MACROD2: variants seen among roughly 807,000 people sequenced by gnomAD.
MACROD2 encodes the protein ADP-ribose glycohydrolase MACROD2.
MACROD2 carries 36 observed loss-of-function variants against 70.4 expected under a neutral mutation model. That is an observed-to-expected ratio of 0.51 (90% CI 0.39 to 0.68). The LOEUF is 0.68. MACROD2 is among the 30% of genes least tolerant of loss of function. The probability of loss-of-function intolerance (pLI) is 0.00; values close to 1 mark genes in which losing one functional copy is unlikely to be tolerated. For missense variants in MACROD2, 496 were observed against 538.4 expected, an observed-to-expected ratio of 0.92 and a Z score of 0.78; for synonymous variants, 172 against 178.8, an observed-to-expected ratio of 0.96 and a Z score of 0.30.
chr20:15,640,386 G>A (rs1157954437), intron 8 of MACROD2, among the ~76,000 whole-genome samples: 3 of 152,182 alleles, frequency 2.0e-5, no homozygotes, highest in Non-Finnish European at 2.9e-5. Flanking sequence ...CAGACGCAGA[G>A]TGACAAGAGT....
chr20:14,272,193 G>C (rs201324379), intron 3 of MACROD2, among the ~76,000 whole-genome samples: 2 of 152,000 alleles, frequency 1.3e-5, no homozygotes, highest in Admixed American at 1.3e-4. Flanking sequence ...ACATAATTGT[G>C]AGATTCACCA....
chr20:14,466,794 G>A (rs2084456118), intron 3 of MACROD2, among the ~76,000 whole-genome samples: 3 of 152,018 alleles, frequency 2.0e-5, no homozygotes, highest in Admixed American at 2.0e-4. Flanking sequence ...TTTTCTGGAG[G>A]TCCACTCCAG....
intron 3 of MACROD2, among the ~76,000 whole-genome samples, chr20:14,150,286 C>G (rs1010408400): frequency 3.3e-5 from 5 of 152,172 alleles, no homozygotes; most frequent in African/African-American, 1.2e-4. Context: ...AGGGTTCTTA[C>G]ATGAGGTTTG....
At chr20:15,205,786 C>A (rs1174270542) in intron 5 of MACROD2, among the ~76,000 whole-genome samples, 1 of 152,210 alleles carries the variant, frequency 6.6e-6, no homozygotes, top group Admixed American at 6.5e-5. Context: ...TACAGAATCA[C>A]TTCAAGATAT....
At chr20:15,990,188 A>G (rs1341505709) in intron 15 of MACROD2, among the ~76,000 whole-genome samples, 1 of 152,202 alleles carries the variant, frequency 6.6e-6, no homozygotes, top group Non-Finnish European at 1.5e-5. Context: ...GCCCAGTTTT[A>G]TGATTTCCCA....
In MACROD2 at chr20:15,053,567, T is replaced by TA. The variant is rs958915389; in HGVS notation, c.419-176363dup. On this transcript the variant is annotated intron_variant, in intron 5 of 17. Coordinates refer to ENST00000684519, the MANE Select transcript of MACROD2 (RefSeq NM_001351661.2). ...CCCACTGTTAAGACCTACTGCTGAT[T>TA]AAAAAAAAAAGATTATTTTCAAAAT... Among the ~76,000 whole-genome samples the TA allele has an allele frequency of 2.9e-3, 431 of 149,694 alleles. 3 individuals carry two copies. Among genetic ancestry groups the TA allele is most frequent in the African/African-American group, 9.2e-3 (375 of 40,808 alleles).
At chr20:14,042,383 T>C (rs1174571590) in intron 2 of MACROD2, among the ~76,000 whole-genome samples, 2 of 152,194 alleles carry the variant, frequency 1.3e-5, no homozygotes, top group Non-Finnish European at 2.9e-5. Flanking sequence ...CTTTTTCCTA[T>C]GTTCATACTC....
chr20:14,591,670 GA>G (rs1341430808), intron 4 of MACROD2, among the ~76,000 whole-genome samples: 1 of 152,168 alleles, frequency 6.6e-6, no homozygotes, highest in Non-Finnish European at 1.5e-5. Context: ...AAAGTTTGAG[GA>G]GACGTTTTTA....
At position 14,954,392 on chromosome 20, in the gene MACROD2, T is replaced by C. The variant is rs1009600651; in HGVS notation, c.418+269433T>C. On this transcript the variant is annotated intron_variant, in intron 5 of 17. Transcript: ENST00000684519. ...AATGGGAAAAGGCTGGGACTTGTCA[T>C]CTGGGTGAACCTGAACACGGTAAAA... Among the ~76,000 whole-genome samples, 4 of 150,534 alleles carry C rather than the reference T, an allele frequency of 2.7e-5. No individual in the cohort carries two copies. The East Asian group carries it at 5.8e-4, about 22-fold the overall frequency.
chr20:14,559,706 T>G (rs1009342817), intron 4 of MACROD2, among the ~76,000 whole-genome samples: 11 of 151,852 alleles, frequency 7.2e-5, no homozygotes, highest in Non-Finnish European at 1.0e-4. Flanking sequence ...GTTATATACA[T>G]AAATCATTTT....
chr20:14,816,754 A>G (rs1407459482), intron 5 of MACROD2, among the ~76,000 whole-genome samples: 1 of 152,026 alleles, frequency 6.6e-6, no homozygotes, highest in Non-Finnish European at 1.5e-5. Context: ...ACATTCAGGT[A>G]TAGTTGGACA....
At chr20:15,211,951 C>A (rs1222113051) in intron 5 of MACROD2, among the ~76,000 whole-genome samples, 1 of 152,130 alleles carries the variant, frequency 6.6e-6, no homozygotes, top group Non-Finnish European at 1.5e-5. Context: ...AACTGTTTTC[C>A]AAAGTGGCAT....
chr20:14,807,731 T>C (rs2072656822), intron 5 of MACROD2, among the ~76,000 whole-genome samples: 1 of 151,916 alleles, frequency 6.6e-6, no homozygotes, highest in African/African-American at 2.4e-5. Flanking sequence ...GAATAACCAG[T>C]GTAGAGAAGA....
intron 4 of MACROD2, among the ~76,000 whole-genome samples, chr20:14,540,180 A>G (rs1004381139): frequency 1.3e-5 from 2 of 152,214 alleles, no homozygotes; most frequent in Admixed American, 6.5e-5. Flanking sequence ...ACCAAAAATG[A>G]TGGGATAACA....
rs148150048 is a variant in MACROD2 at position 14,333,615 on chromosome 20, C to T, written c.272-159864C>T. 5.7e-3 allele frequency among the ~76,000 whole-genome samples: 865 copies of T among 152,208 alleles called. 7 individuals carry two copies. The highest frequency in any genetic ancestry group is 0.02 in the African/African-American group (817 of 41,528). On this transcript the variant is annotated intron_variant, in intron 3 of 17. Coordinates refer to ENST00000684519, the MANE Select transcript of MACROD2 (RefSeq NM_001351661.2). ...TTAAACCACGTTTTACCATTGCAGA[C>T]TTCAAATTCCTTTTTAACAGTGTGG...
chr20:14,942,662 A>C (rs1006302001), intron 5 of MACROD2, among the ~76,000 whole-genome samples: 1 of 152,230 alleles, frequency 6.6e-6, no homozygotes, highest in Admixed American at 6.5e-5. Context: ...GTCACATGTC[A>C]GCTGAAAATC....
Position 14,014,125 on chromosome 20 carries a change from G to A in MACROD2, c.163+11721G>A, listed in dbSNP as rs75489814. Among the ~76,000 whole-genome samples, 143 of 152,118 alleles carry A rather than the reference G, an allele frequency of 9.4e-4. 6 individuals carry two copies. The East Asian group carries it at 0.026, about 28-fold the overall frequency. On this transcript the variant is annotated intron_variant, in intron 2 of 17. Coordinates refer to ENST00000684519, the MANE Select transcript of MACROD2 (RefSeq NM_001351661.2). ...TTAAATGAATTATGTTAGTAAATAA[G>A]GATTTTCCTTAAATACATTTTGGTC...
intron 5 of MACROD2, among the ~76,000 whole-genome samples, chr20:14,871,203 A>G (rs898554592): frequency 1.1e-4 from 16 of 152,118 alleles, no homozygotes. Context: ...CATCTCCAAA[A>G]CACATAATCA....
At chr20:14,730,641 G>A (rs1048643107) in intron 5 of MACROD2, among the ~76,000 whole-genome samples, 1 of 152,044 alleles carries the variant, frequency 6.6e-6, no homozygotes, top group African/African-American at 2.4e-5. Context: ...ACTTCAAGAA[G>A]AGAATCCTAA....
Sources: gnomAD v4.1 joint callset for allele counts (sites outside exome capture counted in the v4.1 genomes callset) on GRCh38, gnomAD v4.1.1 for gene constraint, MANE v1.5 for transcripts, NCBI Gene and HGNC (gene_info 2026-07-23, HGNC 2026-07-21) for gene names.